GSTM2: variants seen among roughly 807,000 people sequenced by gnomAD.
GSTM2 encodes GST class-mu 2.
Under a neutral mutation model 33.3 loss-of-function variants are expected in GSTM2, and 33 were observed. The observed-to-expected ratio is 0.99, with a 90% CI of 0.75 to 1.33. GSTM2 has a LOEUF of 1.33. Among genes scored for constraint, GSTM2 ranks in the 40% most tolerant of loss-of-function variants. The pLI is 0.00. For missense variants in GSTM2, 213 were observed against 265.8 expected, an observed-to-expected ratio of 0.80 and a Z score of 1.38; for synonymous variants, 93 against 95.6, an observed-to-expected ratio of 0.97 and a Z score of 0.16.
chr1:109,676,991 C>T (rs1248198955), downstream of GSTM2, among the ~76,000 whole-genome samples: 2 of 152,122 alleles, frequency 1.3e-5, no homozygotes, highest in Admixed American at 6.5e-5. Flanking sequence ...TCTCCAAAAA[C>T]TATATATCCG....
chr1:109,681,670 C>A, intron 7 of GSTM2: 1 of 430,956 alleles, frequency 2.3e-6, no homozygotes, highest in Non-Finnish European at 4.2e-6. Context: ...AATGTTTCCA[C>A]ATGGGCTTTC....
intron 7 of GSTM2, among the ~76,000 whole-genome samples, chr1:109,682,774 T>C (rs1420747401): frequency 1.6e-5 from 2 of 125,468 alleles, no homozygotes; most frequent in African/African-American, 5.1e-5. Context: ...TCTTTTCAGA[T>C]TGAAGAAAAG....
intron 7 of GSTM2, 144 bp from the exon 8 acceptor site, chr1:109,674,603 T>C (rs1377569704): frequency 1.8e-5 from 17 of 951,362 alleles, no homozygotes; most frequent in South Asian, 1.7e-4. Flanking sequence ...CTGGGGACCC[T>C]AAGAAGCTGT....
At chr1:109,668,274 G>A (rs1256694460) in intron 1 of GSTM2, 123 bp downstream of exon 1, 5 of 1,364,898 alleles carry the variant, frequency 3.7e-6, no homozygotes, top group Non-Finnish European at 5.2e-6. Context: ...CGGGGTCTGT[G>A]CTTGCCGCTG....
intron 7 of GSTM2, among the ~76,000 whole-genome samples, chr1:109,672,636 G>A (rs1323153493): frequency 2.0e-5 from 3 of 152,194 alleles, no homozygotes; most frequent in Admixed American, 6.5e-5. Flanking sequence ...TCAGGACCAC[G>A]GATGCAGCTG....
chr1:109,673,551 C>T (rs1041822468), intron 7 of GSTM2: 3 of 369,162 alleles, frequency 8.1e-6, no homozygotes, highest in Admixed American at 8.1e-5. Flanking sequence ...GGCTGAGTGG[C>T]CTTGGAGTTA....
At chr1:109,669,860 C>A in intron 5 of GSTM2, 1 of 367,300 alleles carries the variant, frequency 2.7e-6, no homozygotes, top group Non-Finnish European at 4.9e-6. Flanking sequence ...AGTGCTACAG[C>A]TCTTAAAGGT....
At chr1:109,680,102 G>A (rs572649656), downstream of GSTM2, among the ~76,000 whole-genome samples, 16 of 147,850 alleles carry the variant, frequency 1.1e-4, no homozygotes, top group East Asian at 2.8e-3. Context: ...GAATGATACC[G>A]CTGGCTTTCC....
intron 7 of GSTM2, among the ~76,000 whole-genome samples, chr1:109,672,837 C>G (rs138905936): frequency 2.1e-4 from 31 of 150,674 alleles, no homozygotes; most frequent in African/African-American, 6.8e-4. Context: ...TGCTGAAATG[C>G]CCTGTGCTGG....
chr1:109,680,478 T>C (rs1647838657), intron 7 of GSTM2, among the ~76,000 whole-genome samples: 1 of 144,730 alleles, frequency 6.9e-6, no homozygotes, highest in South Asian at 2.4e-4. Context: ...AATCTCCGTG[T>C]TGATGATCAT....
rs1647441246 is a variant in GSTM2, at chr1:109,669,280, A to G, written c.178-10A>G. 1 of 1,613,946 alleles carries G rather than the reference A, an allele frequency of 6.2e-7. No homozygotes were observed. The highest frequency in any genetic ancestry group is 1.3e-5 in the African/African-American group (1 of 74,900). On this transcript the variant is annotated splice_polypyrimidine_tract_variant and intron_variant, in intron 3 of 7. Coordinates refer to ENST00000241337, the MANE Select transcript of GSTM2 (RefSeq NM_000848.4). ...CCCAACTGAGCTTCCCCGGTTTCCC[A>G]TCTATCCAGCTGCCCTACTTGATTG...
rs781600778 is a variant in GSTM2, at chr1:109,668,940, G to T, written c.128G>T (p.Arg43Ile). Reference protein sequence around the residue: ...YTMGDAPDYDRSQWLNEKFKL... With the variant: ...YTMGDAPDYDISQWLNEKFKL... Reference sequence around the variant, plus strand: ...CCCACCACAGCTCCTGATTATGACAGAAGCCAGTGGCTGAATGAAAAATTC... The same window carrying T: ...CCCACCACAGCTCCTGATTATGACATAAGCCAGTGGCTGAATGAAAAATTC... The change falls in exon 3 of 8, where the codon AGA becomes ATA. Residue 43 changes from arginine to isoleucine, a missense_variant. Physicochemically the swap from Arg to Ile is moderately conservative, Grantham distance 97 (BLOSUM62 -3). Transcript: ENST00000241337. 2 of 1,612,260 alleles carry T rather than the reference G, an allele frequency of 1.2e-6. No individual in the cohort carries two copies. The highest frequency in any genetic ancestry group is 2.7e-5 in the African/African-American group (2 of 74,854).
chr1:109,675,774 CCT>C (rs1362111487), downstream of GSTM2, among the ~76,000 whole-genome samples: 2 of 152,056 alleles, frequency 1.3e-5, no homozygotes, highest in Non-Finnish European at 2.9e-5. Context: ...GGGTTTACTT[CCT>C]CTCTTTCCTG....
downstream of GSTM2, among the ~76,000 whole-genome samples, chr1:109,679,106 T>C (rs986515719): frequency 1.3e-5 from 2 of 152,186 alleles, no homozygotes; most frequent in African/African-American, 4.8e-5. Context: ...ACACGGATCA[T>C]TCTGCACTAT....
At chr1:109,673,140 G>C in intron 7 of GSTM2, 1 of 1,591,686 alleles carries the variant, frequency 6.3e-7, no homozygotes, top group Non-Finnish European at 8.5e-7. Context: ...TAAGTGCTGG[G>C]ATTACAAGCG....
intron 1 of GSTM2, 84 bp downstream of exon 1, chr1:109,668,235 C>A: frequency 6.9e-7 from 1 of 1,445,984 alleles, no homozygotes; most frequent in Non-Finnish European, 9.7e-7. Flanking sequence ...GCTCTAGGGA[C>A]GGTTCCTCTT....
At chr1:109,672,746 A>C (rs752926607) in intron 7 of GSTM2, among the ~76,000 whole-genome samples, 1 of 152,026 alleles carries the variant, frequency 6.6e-6, no homozygotes, top group African/African-American at 2.4e-5. Flanking sequence ...TTGAACCCCC[A>C]TGTGGGGAAT....
chr1:109,668,765 C>G (rs190402729), intron 2 of GSTM2, 160 bp from the exon 3 acceptor site: 135 of 937,894 alleles, frequency 1.4e-4, no homozygotes, highest in Non-Finnish European at 1.9e-4. Flanking sequence ...AGAGCCCTCA[C>G]TGGAATTCTT....
intron 1 of GSTM2, 35 bp downstream of exon 1, chr1:109,668,186 T>C: frequency 6.7e-7 from 1 of 1,487,952 alleles, no homozygotes; most frequent in Non-Finnish European, 9.3e-7. Context: ...GGGACGGGGG[T>C]GCGTGGGGGC....
Sources: allele counts gnomAD v4.1 joint callset (sites outside exome capture counted in the v4.1 genomes callset), GRCh38; gene constraint gnomAD v4.1.1; transcripts MANE v1.5; gene names NCBI Gene and HGNC (gene_info 2026-07-23, HGNC 2026-07-21).